The following TMEM266 variants were observed in gnomAD, a reference collection of about 807,000 sequenced individuals.
TMEM266 encodes transmembrane protein 266, also known as Hv1 related protein 1.
A neutral mutation model predicts 50.5 loss-of-function variants in TMEM266; 33 were observed. That is an observed-to-expected ratio of 0.65 (90% CI 0.50 to 0.87). The LOEUF (loss-of-function observed/expected upper bound fraction) is 0.87. Ranked by LOEUF, TMEM266 falls within the 40% of genes least tolerant of loss-of-function variation. TMEM266 has a pLI of 0.00. For missense variants in TMEM266, 655 were observed against 695.1 expected, an observed-to-expected ratio of 0.94 and a Z score of 0.65; for synonymous variants, 310 against 292.3, an observed-to-expected ratio of 1.06 and a Z score of -0.62.
intron 4 of TMEM266, among the ~76,000 whole-genome samples, chr15:76,158,507 TGAG>T (rs962979779): frequency 9.9e-5 from 15 of 152,212 alleles, no homozygotes; most frequent in African/African-American, 3.4e-4. Flanking sequence ...GACAAGGTAT[TGAG>T]GAGAACTGAG....
At chr15:76,067,236 T>C (rs1206843687) in intron 1 of TMEM266, among the ~76,000 whole-genome samples, 2 of 152,136 alleles carry the variant, frequency 1.3e-5, no homozygotes, top group Non-Finnish European at 2.9e-5. Flanking sequence ...CTATAAGCAG[T>C]TGTAGATTAT....
chr15:76,107,341 G>A (rs1223208168), intron 1 of TMEM266, among the ~76,000 whole-genome samples: 7 of 152,206 alleles, frequency 4.6e-5, no homozygotes, highest in South Asian at 2.1e-4. Flanking sequence ...GCAGCCAGGC[G>A]TGGCTCGTTG....
At position 76,168,804 on chromosome 15, in the gene TMEM266, C is replaced by T. The variant is rs779564342; in HGVS notation, c.457-1012C>T. 7.9e-5 allele frequency among the ~76,000 whole-genome samples: 12 copies of T among 152,126 alleles called. 1 individual carries two copies. Among genetic ancestry groups the T allele is most frequent in the Admixed American group, 2.0e-4 (3 of 15,266 alleles). ...TACAAGGCAGTGCTGTGGAGGGTGA[C>T]GCCCAGAAACCATAGGAACACCCAG... On this transcript the variant is annotated intron_variant, in intron 5 of 10. Coordinates refer to ENST00000388942, the MANE Select transcript of TMEM266 (RefSeq NM_152335.3). This position sits in a 1 kb window ranked among gnomAD's most constrained non-coding sequence, Gnocchi z 4.4.
chr15:76,097,225 T>G (rs193222667), intron 1 of TMEM266, among the ~76,000 whole-genome samples: 2 of 152,154 alleles, frequency 1.3e-5, no homozygotes, highest in East Asian at 3.9e-4. Flanking sequence ...TCTTTGCAAT[T>G]TGGTATGTTT....
At chr15:76,115,309 C>T (rs531272622) in intron 1 of TMEM266, among the ~76,000 whole-genome samples, 1 of 152,310 alleles carries the variant, frequency 6.6e-6, no homozygotes, top group East Asian at 1.9e-4. Flanking sequence ...TTGTTTCCTT[C>T]ACTTTCCCAT....
chr15:76,201,308 G>T (rs1334491571), intron 9 of TMEM266, among the ~76,000 whole-genome samples: 1 of 152,086 alleles, frequency 6.6e-6, no homozygotes, highest in African/African-American at 2.4e-5. Flanking sequence ...CCAGCACCTG[G>T]CTTTCCTCCC....
chr15:76,103,925 A>C (rs952854115), intron 1 of TMEM266, among the ~76,000 whole-genome samples: 1 of 144,146 alleles, frequency 6.9e-6, no homozygotes, highest in African/African-American at 2.6e-5. Context: ...AAAAAAAAAA[A>C]TGCCAGGGGC....
chr15:76,094,705 G>A (rs2036898396), intron 1 of TMEM266, among the ~76,000 whole-genome samples: 1 of 152,028 alleles, frequency 6.6e-6, no homozygotes, highest in Admixed American at 6.6e-5. Context: ...ATTACTTTCA[G>A]CAGTATAGCC....
chr15:76,105,245 C>CA (rs1202933801), intron 1 of TMEM266, among the ~76,000 whole-genome samples: 2 of 150,430 alleles, frequency 1.3e-5, no homozygotes, highest in East Asian at 3.9e-4. Context: ...GACTCCATCT[C>CA]AAAAAAAAAG....
chr15:76,100,424 C>T (rs2036985496), intron 1 of TMEM266, among the ~76,000 whole-genome samples: 1 of 152,210 alleles, frequency 6.6e-6, no homozygotes, highest in Non-Finnish European at 1.5e-5. Flanking sequence ...GTTCTCCATC[C>T]TTTGAGCTCC....
At chr15:76,190,260 A>T (rs2038548247) in intron 8 of TMEM266, among the ~76,000 whole-genome samples, 1 of 152,212 alleles carries the variant, frequency 6.6e-6, no homozygotes, top group South Asian at 2.1e-4. Flanking sequence ...AGACCAGCGC[A>T]TGCTTGGTAT....
At chr15:76,086,928 C>CA (rs771012583) in intron 1 of TMEM266, among the ~76,000 whole-genome samples, 5 of 84,618 alleles carry the variant, frequency 5.9e-5, no homozygotes, top group Non-Finnish European at 1.2e-4. Context: ...GGGAGCAGGT[C>CA]GGGGGGGGGG....
chr15:76,148,275 G>A (rs1810969578), intron 3 of TMEM266, among the ~76,000 whole-genome samples: 1 of 152,166 alleles, frequency 6.6e-6, no homozygotes, highest in Admixed American at 6.5e-5. Context: ...ATTGACTTTG[G>A]CCAAATAGAA....
intron 9 of TMEM266, among the ~76,000 whole-genome samples, chr15:76,201,526 C>T (rs904039838): frequency 6.6e-6 from 1 of 152,148 alleles, no homozygotes; most frequent in Non-Finnish European, 1.5e-5. Flanking sequence ...CACAGGTGTG[C>T]ATCATCACGC....
intron 1 of TMEM266, among the ~76,000 whole-genome samples, chr15:76,062,699 A>T (rs1265530945): frequency 6.6e-6 from 1 of 152,236 alleles, no homozygotes; most frequent in Non-Finnish European, 1.5e-5. Context: ...CTTCCATTCA[A>T]GCAGGATTTC....
At position 76,077,787 on chromosome 15, in the gene TMEM266, C is replaced by A. The variant is rs918036721; in HGVS notation, c.-97+17771C>A. Among the ~76,000 whole-genome samples the A allele has an allele frequency of 2.0e-5, 3 of 152,048 alleles. No homozygotes were observed. In the South Asian group the frequency reaches 6.2e-4, roughly 32 times the overall value. ...AGAGGGAGCTAGGCCCTCACGACAC[C>A]TTGATTTTGGACCTCTGGCCTCCAA... On this transcript the variant is annotated intron_variant, in intron 1 of 10. Coordinates refer to ENST00000388942, the MANE Select transcript of TMEM266 (RefSeq NM_152335.3).
chr15:76,200,222 G>A (rs1278790134), intron 9 of TMEM266, among the ~76,000 whole-genome samples: 1 of 152,164 alleles, frequency 6.6e-6, no homozygotes, highest in Non-Finnish European at 1.5e-5. Context: ...GGCTGTGGTG[G>A]AGACAGCCCT....
chr15:76,104,004 G>A (rs1432222199), intron 1 of TMEM266, among the ~76,000 whole-genome samples: 13 of 150,686 alleles, frequency 8.6e-5, no homozygotes, highest in African/African-American at 2.7e-4. Context: ...TCAGGAGATC[G>A]AGACCATCCT....
At chr15:76,195,938 G>A (rs2038648388) in intron 9 of TMEM266, among the ~76,000 whole-genome samples, 1 of 152,168 alleles carries the variant, frequency 6.6e-6, no homozygotes, top group Non-Finnish European at 1.5e-5. Flanking sequence ...GTCCTGCCTG[G>A]CCCTCCTGCT....
Sources: allele counts gnomAD v4.1 joint callset (sites outside exome capture counted in the v4.1 genomes callset), GRCh38; gene constraint gnomAD v4.1.1; non-coding constraint Gnocchi (gnomAD v3.1); transcripts MANE v1.5; gene names NCBI Gene and HGNC (gene_info 2026-07-23, HGNC 2026-07-21).